Variants in GRIK4 observed in about 807,000 individuals in gnomAD.
GRIK4 encodes glutamate ionotropic receptor kainate type subunit 4, also known as glutamate receptor ionotropic, kainate 4.
Under a neutral mutation model 104.9 loss-of-function variants are expected in GRIK4, and 40 were observed. The observed-to-expected ratio is 0.38, with a 90% confidence interval of 0.30 to 0.50. GRIK4 has a LOEUF of 0.50. Ranked by LOEUF, GRIK4 falls within the 20% of genes least tolerant of loss-of-function variation. GRIK4 has a pLI of 0.93. For missense variants in GRIK4, 1,047 were observed against 1,308.1 expected (o/e 0.80, Z 3.08); for synonymous variants, 485 against 524.9 (o/e 0.92, Z 1.04).
At chr11:120,557,234 C>T (rs898320988) in intron 1 of GRIK4, among the ~76,000 whole-genome samples, 6 of 152,100 alleles carry the variant, frequency 3.9e-5, no homozygotes, top group Non-Finnish European at 7.3e-5. Context: ...CCTCTCCTGT[C>T]CCCCCCGAGG....
At chr11:120,632,723 T>G (rs1949346853) in intron 1 of GRIK4, among the ~76,000 whole-genome samples, 1 of 152,120 alleles carries the variant, frequency 6.6e-6, no homozygotes, top group South Asian at 2.1e-4. Context: ...TGAGGGTTCC[T>G]GATTCTGAGG....
In GRIK4 at chr11:120,910,445, G is replaced by A. The variant is rs112495093; in HGVS notation, c.1476+4952G>A. ...ACCCTGGGGCTGTGTCTGGGCAGTG[G>A]AGATGAGAAGGATGGTTGTTCGAGA... On this transcript the variant is annotated intron_variant, in intron 13 of 20. Coordinates refer to ENST00000527524, the MANE Select transcript of GRIK4 (RefSeq NM_014619.5). Among the ~76,000 whole-genome samples, 1,308 of 152,336 alleles carry A rather than the reference G, an allele frequency of 8.6e-3. 6 individuals are homozygous for A. The highest frequency in any genetic ancestry group is 0.024 in the Middle Eastern group (7 of 294).
intron 1 of GRIK4, among the ~76,000 whole-genome samples, chr11:120,561,939 A>C (rs913603450): frequency 6.6e-6 from 1 of 152,256 alleles, no homozygotes; most frequent in African/African-American, 2.4e-5. Context: ...AAGGCAAAGA[A>C]TATCCAGGAG....
chr11:120,908,044 G>T (rs117002257), intron 13 of GRIK4, among the ~76,000 whole-genome samples: 1,793 of 152,258 alleles, frequency 0.012, 30 homozygotes, highest in East Asian at 0.071. Context: ...AATTCCAGAG[G>T]CTGTAACAGC....
Position 120,627,251 on chromosome 11 carries a change from A to C in GRIK4, c.-158-26434A>C, listed in dbSNP as rs138936869. Among the ~76,000 whole-genome samples the C allele has an allele frequency of 1.2e-4, 19 of 152,308 alleles. No homozygotes were observed. In the East Asian group the frequency reaches 3.7e-3, roughly 29 times the overall value. On this transcript the variant is annotated intron_variant, in intron 1 of 20. Transcript: ENST00000527524. Reference sequence around the variant, plus strand: ...TCCAGTTCTTCCTTCATTCACAAGAAATTATCATTCTCGCCATTTACTTAC... The same window carrying C: ...TCCAGTTCTTCCTTCATTCACAAGACATTATCATTCTCGCCATTTACTTAC...
At chr11:120,586,594 C>T (rs978474373) in intron 1 of GRIK4, among the ~76,000 whole-genome samples, 1 of 152,110 alleles carries the variant, frequency 6.6e-6, no homozygotes, top group African/African-American at 2.4e-5. Context: ...GAGGAGTTCT[C>T]CTTTACTGCC....
At chr11:120,572,289 G>T (rs1013023964) in intron 1 of GRIK4, among the ~76,000 whole-genome samples, 2 of 152,104 alleles carry the variant, frequency 1.3e-5, no homozygotes, top group Non-Finnish European at 2.9e-5. Context: ...TTCAACACCG[G>T]AATTTTGAGG....
At chr11:120,795,448 T>C (rs1233217110) in intron 3 of GRIK4, among the ~76,000 whole-genome samples, 7 of 152,222 alleles carry the variant, frequency 4.6e-5, no homozygotes, top group Admixed American at 3.9e-4. Flanking sequence ...CGCCTAATGC[T>C]GACTGCACCA....
intron 1 of GRIK4, among the ~76,000 whole-genome samples, chr11:120,625,871 G>A (rs371741419): frequency 1.7e-4 from 26 of 152,114 alleles, no homozygotes; most frequent in Middle Eastern, 3.4e-3. Context: ...ATGGCCACCC[G>A]TGCCCCACCT....
At chr11:120,545,627 C>T (rs1263836488) in intron 1 of GRIK4, among the ~76,000 whole-genome samples, 1 of 152,168 alleles carries the variant, frequency 6.6e-6, no homozygotes, top group Non-Finnish European at 1.5e-5. Flanking sequence ...TTAATATGCA[C>T]CATTTGACTC....
intron 4 of GRIK4, among the ~76,000 whole-genome samples, chr11:120,804,475 T>A (rs1952677583): frequency 1.3e-5 from 2 of 152,168 alleles, no homozygotes; most frequent in South Asian, 4.1e-4. Flanking sequence ...TCCTTCTTGC[T>A]CCTGTGGTGT....
intron 3 of GRIK4, among the ~76,000 whole-genome samples, chr11:120,724,412 C>G (rs1205025466): frequency 6.6e-6 from 1 of 152,190 alleles, no homozygotes; most frequent in Non-Finnish European, 1.5e-5. Flanking sequence ...TATCCAGTTC[C>G]TGGTGACCAT....
At chr11:120,672,468 C>G (rs1486578120) in intron 3 of GRIK4, among the ~76,000 whole-genome samples, 3 of 152,016 alleles carry the variant, frequency 2.0e-5, no homozygotes, top group Admixed American at 6.6e-5. Flanking sequence ...ATTCTGTGAA[C>G]AGAGTCAATG....
At chr11:120,519,603 G>A (rs1947771804) in intron 1 of GRIK4, among the ~76,000 whole-genome samples, 1 of 152,202 alleles carries the variant, frequency 6.6e-6, no homozygotes, top group African/African-American at 2.4e-5. Flanking sequence ...CAGCCCAAAT[G>A]CACTATGATA....
At chr11:120,876,266 T>TCA (rs1954799923) in intron 11 of GRIK4, among the ~76,000 whole-genome samples, 2 of 120,286 alleles carry the variant, frequency 1.7e-5, no homozygotes, top group African/African-American at 3.2e-5. Context: ...ACCACCACCA[T>TCA]CACCACCACC....
chr11:120,896,923 C>T (rs1942598235), intron 11 of GRIK4, among the ~76,000 whole-genome samples: 1 of 152,204 alleles, frequency 6.6e-6, no homozygotes, highest in Non-Finnish European at 1.5e-5. Context: ...CACCTAAAAA[C>T]ACTCAGCAAC....
chr11:120,723,068 A>C (rs1474263211), intron 3 of GRIK4, among the ~76,000 whole-genome samples: 2 of 152,190 alleles, frequency 1.3e-5, no homozygotes, highest in Non-Finnish European at 2.9e-5. Context: ...CATTTTTAAT[A>C]CTGTAAATAT....
intron 3 of GRIK4, among the ~76,000 whole-genome samples, chr11:120,678,329 A>C (rs1703529785): frequency 6.6e-6 from 1 of 152,228 alleles, no homozygotes; most frequent in Non-Finnish European, 1.5e-5. Context: ...CCGTTAGGTT[A>C]AAATTGAGAG....
At chr11:120,915,716 C>T (rs551351739) in intron 13 of GRIK4, among the ~76,000 whole-genome samples, 22 of 152,084 alleles carry the variant, frequency 1.4e-4, no homozygotes, top group Non-Finnish European at 2.8e-4. Flanking sequence ...AGTTCAAAGC[C>T]GAGCCACCAG....
Sources: gnomAD v4.1 joint callset for allele counts (sites outside exome capture counted in the v4.1 genomes callset) on GRCh38, gnomAD v4.1.1 for gene constraint, MANE v1.5 for transcripts, NCBI Gene and HGNC (gene_info 2026-07-23, HGNC 2026-07-21) for gene names.